SCNN1D: variants seen among roughly 807,000 people sequenced by gnomAD.
SCNN1D encodes the protein epithelial sodium channel subunit delta.
Under a neutral mutation model 87.8 loss-of-function variants are expected in SCNN1D, and 104 were observed. The ratio of observed to expected loss-of-function variants is 1.18; its 90% CI spans 1.01 to 1.39. The LOEUF is 1.39. Ranked by LOEUF, SCNN1D falls within the 40% of genes most tolerant of loss-of-function variation. The pLI is 0.00. For missense variants in SCNN1D, 1,324 were observed against 1,093.9 expected, an observed-to-expected ratio of 1.21 and a Z score of -2.97; for synonymous variants, 628 against 481.2, an observed-to-expected ratio of 1.31 and a Z score of -3.99.
rs13306651 is a variant in SCNN1D, at chr1:1,290,683, G to A, written c.1906G>A (p.Ala636Thr). 0.018 allele frequency: 28,348 copies of A among 1,612,516 alleles called. 299 individuals are homozygous for A. The highest frequency in any genetic ancestry group is 0.024 in the South Asian group (2,199 of 91,074). Residue 636 changes from alanine (A) to threonine (T), a missense_variant, in exon 15 of 18, where the codon GCC becomes ACC. By Grantham distance (58) the Ala-to-Thr change is moderately conservative. Coordinates refer to ENST00000379116, the MANE Select transcript of SCNN1D (RefSeq NM_001130413.4). ...LSTGTSRWPS[A>T]KSAGWTLATL... ...CACTGGGACCTCCAGGTGGCCTTCCGCCAAGTCAGCTGTGAGTCCCCAAAG... is the reference window on the plus strand; with the variant it reads ...CACTGGGACCTCCAGGTGGCCTTCCACCAAGTCAGCTGTGAGTCCCCAAAG...
chr1:1,283,990 T>C lies in SCNN1D; in HGVS notation c.364T>C (p.Ser122Pro). 1 of 1,449,958 alleles carries C rather than the reference T, an allele frequency of 6.9e-7. No homozygotes were observed. The highest frequency in any genetic ancestry group is 9.0e-7 in the Non-Finnish European group (1 of 1,105,472). The allele number at this position is 1,449,958 out of a possible 1,614,324, so 89.8% of individuals were successfully genotyped here. A position where few individuals can be genotyped will look rare whatever the true frequency, so the allele number is the denominator to read the frequency against. The stretch of plus-strand genomic sequence containing the variant: ...CTGTTTTAAATAGGAGGCCAGAGGC[T>C]CCATCCTGCTTCAGAGCTGCCAGCT... ...SFQSRQEARGSILLQSCQLPP... is the reference protein window; with the variant it reads ...SFQSRQEARGPILLQSCQLPP... Residue 122 changes from serine to proline, a missense_variant, in exon 5 of 18, where the codon TCC becomes CCC. By Grantham distance (74) the Ser-to-Pro change is moderately conservative. Coordinates refer to ENST00000379116, the MANE Select transcript of SCNN1D (RefSeq NM_001130413.4).
chr1:1,290,071 G>A (rs879000516), intron 12 of SCNN1D, among the ~76,000 whole-genome samples, 200 bp from the exon 13 acceptor site: 5 of 97,496 alleles, frequency 5.1e-5, no homozygotes, highest in Admixed American at 2.3e-4. Flanking sequence ...TCTCTGCTCC[G>A]TCCCGTGTCT....
chr1:1,287,894 G>A (rs1640637784), intron 11 of SCNN1D, 45 bp from the exon 12 acceptor site: 1 of 1,518,512 alleles, frequency 6.6e-7, no homozygotes, highest in Admixed American at 2.0e-5. Context: ...CCTGGGCTTT[G>A]GGGGGTGAGG....
chr1:1,287,412 C>A, intron 9 of SCNN1D, 96 bp from the exon 10 acceptor site: 2 of 1,489,916 alleles, frequency 1.3e-6, no homozygotes, highest in Admixed American at 4.4e-5. Context: ...GCCGGAGGAA[C>A]TTTCCGCAGA....
intron 4 of SCNN1D, 51 bp downstream of exon 4, chr1:1,282,366 G>A (rs1320023981): frequency 2.6e-6 from 4 of 1,542,630 alleles, no homozygotes; most frequent in Non-Finnish European, 3.5e-6. Flanking sequence ...TGGACCCTGT[G>A]GGGCTGGGCT....
At position 1,291,661 on chromosome 1, in the gene SCNN1D, G is replaced by A; in HGVS notation, c.*51G>A. ...CTCTTGGCCTGGTCCTTGCAGCTGTGGCAGCAGCAGGCTCCCCAGCGGCCC... is the reference window on the plus strand; with the variant it reads ...CTCTTGGCCTGGTCCTTGCAGCTGTAGCAGCAGCAGGCTCCCCAGCGGCCC... On this transcript the variant is annotated 3_prime_UTR_variant, in exon 18 of 18. Coordinates refer to ENST00000379116, the MANE Select transcript of SCNN1D (RefSeq NM_001130413.4). 1 of 1,358,226 alleles carries A rather than the reference G, an allele frequency of 7.4e-7. No individual in the cohort carries two copies. Among genetic ancestry groups the A allele is most frequent in the East Asian group, 2.5e-5 (1 of 40,556 alleles). The allele number at this position is 1,358,226 out of a possible 1,614,324, so 84.1% of individuals were successfully genotyped here.
chr1:1,287,166 G>C lies in SCNN1D; in HGVS notation c.1177G>C (p.Val393Leu). ...YRGYTSGVAA[V>L]QDWYHFHYVD... ...AGGCTACACGTCAGGCGTGGCGGCT[G>C]TCCAGGACTGGTACCACTTCCACTA... is the stretch of plus-strand genomic sequence containing the variant. The change falls in exon 9 of 18, where the codon GTC (valine) becomes CTC (leucine). Residue 393 changes from valine to leucine, a missense_variant. Val to Leu is a conservative substitution (Grantham distance 32, BLOSUM62 1). Coordinates refer to ENST00000379116, the MANE Select transcript of SCNN1D (RefSeq NM_001130413.4). 6.2e-7 allele frequency: 1 copy of C among 1,611,666 alleles called. No individual in the cohort carries two copies. The highest frequency in any genetic ancestry group is 8.5e-7 in the Non-Finnish European group (1 of 1,179,156).
chr1:1,280,533 T>C lies in SCNN1D; in HGVS notation c.-129T>C, dbSNP rs1570599312. The C allele has an allele frequency of 1.5e-6, 1 of 647,146 alleles. No individual in the cohort carries two copies. The highest frequency in any genetic ancestry group is 1.6e-5 in the South Asian group (1 of 61,216). The allele number at this position is 647,146 out of a possible 1,614,324, so 40.1% of individuals were successfully genotyped here. On this transcript the variant is annotated 5_prime_UTR_variant, in exon 1 of 18. The change abolishes an upstream ATG in the 5' untranslated region. Transcript: ENST00000379116. The stretch of plus-strand genomic sequence containing the variant: ...TGGTTACAGTATGGCGTTGTGCAGA[T>C]GAAGGTCTTATCGCAGATGAAGCCA...
intron 4 of SCNN1D, among the ~76,000 whole-genome samples, 200 bp downstream of exon 4, chr1:1,282,515 A>G (rs1308420586): frequency 2.0e-5 from 3 of 151,984 alleles, no homozygotes; most frequent in Non-Finnish European, 2.9e-5. Context: ...GTCCCACAGT[A>G]GACAGGGATG....
Position 1,290,653 on chromosome 1 carries a change from C to T in SCNN1D, c.1876C>T (p.Leu626Phe), listed in dbSNP as rs1207916478. ...CTCTTCCAGGGAGTCTGCATTCAAG[C>T]TCTCCACTGGGACCTCCAGGTGGCC... ...PRPCRESAFK[L>F]STGTSRWPSA... Residue 626 changes from leucine (L) to phenylalanine (F), a missense_variant, in exon 15 of 18, where the codon CTC becomes TTC. Transcript: ENST00000379116. The T allele has an allele frequency of 1.2e-6, 2 of 1,612,680 alleles. No individual in the cohort carries two copies. Among genetic ancestry groups the T allele is most frequent in the Admixed American group, 1.7e-5 (1 of 60,024 alleles).
rs1473177990 is a variant in SCNN1D, at chr1:1,290,298, C to G, written c.1690C>G (p.Leu564Val). The change falls in exon 13 of 18, where the codon CTG (leucine) becomes GTG (valine). Residue 564 changes from leucine (L) to valine (V), a missense_variant. Transcript: ENST00000379116. ...CTGCCTGGTGTCCTGCTTCCAGCAGCTGATGGTGGAGACCTGCTCCTGTGG... is the reference window on the plus strand; with the variant it reads ...CTGCCTGGTGTCCTGCTTCCAGCAGGTGATGGTGGAGACCTGCTCCTGTGG... ...QACLVSCFQQ[L>V]MVETCSCGYY... is the part of the protein sequence containing the mutation. 1 of 1,580,002 alleles carries G rather than the reference C, an allele frequency of 6.3e-7. No individual in the cohort carries two copies. Among genetic ancestry groups the G allele is most frequent in the Non-Finnish European group, 8.6e-7 (1 of 1,161,170 alleles).
intron 14 of SCNN1D, 28 bp from the exon 15 acceptor site, chr1:1,290,609 G>A (rs1030306891): frequency 2.5e-6 from 4 of 1,612,484 alleles, no homozygotes; most frequent in African/African-American, 1.3e-5. Context: ...AGGTAGCGTG[G>A]CAGGTGACAC....
Position 1,290,261 on chromosome 1 carries a change from C to G in SCNN1D, c.1663-10C>G, listed in dbSNP as rs2748384. 6 of 1,351,272 alleles carry G rather than the reference C, an allele frequency of 4.4e-6. 1 individual carries two copies. Among genetic ancestry groups the G allele is most frequent in the African/African-American group, 4.2e-5 (2 of 47,760 alleles). 83.7% of individuals were successfully genotyped at this position (1,351,272 alleles called of 1,614,324 possible). A position where few individuals can be genotyped will look rare whatever the true frequency, so the allele number is the denominator to read the frequency against. On this transcript the variant is annotated splice_polypyrimidine_tract_variant and intron_variant, in intron 12 of 17. Coordinates refer to ENST00000379116, the MANE Select transcript of SCNN1D (RefSeq NM_001130413.4). ...CATCCCATGTCCCTGCTCATCCCCC[C>G]TGTCCCCAGGCCTGCCTGGTGTCCT...
At chr1:1,284,636 G>T (rs1355699496) in intron 5 of SCNN1D, among the ~76,000 whole-genome samples, 2 of 151,920 alleles carry the variant, frequency 1.3e-5, no homozygotes, top group East Asian at 3.9e-4. Context: ...ACCACTGGGG[G>T]TGCACAGTGT....
intron 9 of SCNN1D, 81 bp from the exon 10 acceptor site, chr1:1,287,426 AG>A: frequency 6.7e-7 from 1 of 1,488,162 alleles, no homozygotes. Context: ...CCGCAGACAC[AG>A]GGCAGGCCAT....
Position 1,284,011 on chromosome 1 carries a change from C to T in SCNN1D, c.385C>T (p.Gln129Ter). The change falls in exon 5 of 18, where the codon CAG becomes TAG. Residue 129 changes from glutamine to a stop codon, truncating the protein, a stop_gained. Transcript: ENST00000379116. LOFTEE classifies it high-confidence loss of function. ...ARGSILLQSC[Q>*]LPPQWLSTEA... ...AGGCTCCATCCTGCTTCAGAGCTGC[C>T]AGCTGCCCCCGCAATGGCTGAGCAC... 2 of 1,441,032 alleles carry T rather than the reference C, an allele frequency of 1.4e-6. No homozygotes were observed. Among genetic ancestry groups the T allele is most frequent in the South Asian group, 1.5e-5 (1 of 68,100 alleles). The allele number at this position is 1,441,032 out of a possible 1,614,324, so 89.3% of individuals were successfully genotyped here. A position where few individuals can be genotyped will look rare whatever the true frequency, so the allele number is the denominator to read the frequency against.
At chr1:1,285,460 C>G (rs1024452223) in intron 5 of SCNN1D, 111 bp from the exon 6 acceptor site, 2 of 723,578 alleles carry the variant, frequency 2.8e-6, no homozygotes, top group African/African-American at 1.8e-5. Flanking sequence ...GCAGGCCACA[C>G]TGGGGGCTGG....
chr1:1,284,986 C>T (rs1362307147), intron 5 of SCNN1D, among the ~76,000 whole-genome samples: 1 of 152,180 alleles, frequency 6.6e-6, no homozygotes, highest in South Asian at 2.1e-4. Flanking sequence ...CAGGTGGAGA[C>T]GAGGAGTGGG....
In SCNN1D at chr1:1,288,200, T is replaced by TCCCTGTGTCTCTGCTCCGTC. The variant is rs1557584039; in HGVS notation, c.1662+166_1662+185dup. On this transcript the variant is annotated intron_variant, in intron 12 of 17. Transcript: ENST00000379116. ...TCCATCCCCCGTGTCCCCGCTCCAT[T>TCCCTGTGTCTCTGCTCCGTC]CCCTGTGTCTCTGCTCCGTCCCGTG... Among the ~76,000 whole-genome samples the TCCCTGTGTCTCTGCTCCGTC allele has an allele frequency of 1.2e-3, 178 of 146,828 alleles. 9 individuals carry two copies. Among genetic ancestry groups the TCCCTGTGTCTCTGCTCCGTC allele is most frequent in the African/African-American group, 4.1e-3 (161 of 39,116 alleles).
Sources: gnomAD v4.1 joint callset for allele counts (sites outside exome capture counted in the v4.1 genomes callset) on GRCh38, gnomAD v4.1.1 for gene constraint, MANE v1.5 for transcripts, NCBI Gene and HGNC (gene_info 2026-07-23, HGNC 2026-07-21) for gene names.